The following GRM7 variants were observed in gnomAD, a reference collection of about 807,000 sequenced individuals.
GRM7 encodes glutamate metabotropic receptor 7, also known as metabotropic glutamate receptor 7.
In GRM7, 35 loss-of-function variants were observed where a neutral mutation model predicts 84.5. The ratio of observed to expected loss-of-function variants is 0.41; its 90% CI spans 0.32 to 0.55. The LOEUF is 0.55. Among genes scored for constraint, GRM7 ranks in the 20% least tolerant of loss-of-function variants. The pLI, the probability that GRM7 is intolerant of heterozygous loss-of-function variation, is 0.19. For synonymous variants in GRM7, 487 were observed against 455.1 expected (o/e 1.07, Z -0.89); for missense variants, 1,003 against 1,194.6 (o/e 0.84, Z 2.36).
chr3:7,623,032 C>A (rs1223284040), intron 8 of GRM7, among the ~76,000 whole-genome samples: 1 of 152,162 alleles, frequency 6.6e-6, no homozygotes, highest in African/African-American at 2.4e-5. Flanking sequence ...ATGTGGCAGT[C>A]TTTCTTGTGA....
intron 2 of GRM7, among the ~76,000 whole-genome samples, chr3:7,160,838 G>A (rs2125078525): frequency 6.6e-6 from 1 of 152,096 alleles, no homozygotes; most frequent in South Asian, 2.1e-4. Flanking sequence ...CATTTCCCTT[G>A]TAATGCTCAG....
At chr3:7,489,120 A>T (rs1699429418) in intron 7 of GRM7, among the ~76,000 whole-genome samples, 1 of 152,184 alleles carries the variant, frequency 6.6e-6, no homozygotes, top group Admixed American at 6.6e-5. Flanking sequence ...TCAGAGTATT[A>T]AAGTGCCTCT....
At position 7,111,413 on chromosome 3, in the gene GRM7, A is replaced by G. The variant is rs1429977474; in HGVS notation, c.520-35039A>G. Among the ~76,000 whole-genome samples, 6 of 152,280 alleles carry G rather than the reference A, an allele frequency of 3.9e-5. No homozygotes were observed. In the East Asian group the frequency reaches 1.2e-3, roughly 29 times the overall value. Reference sequence around the variant, plus strand: ...TGGTACTAGGAGTATGTTACATGTAAGAGGACCAAGTCAAGAAGCATTTAG... The same window carrying G: ...TGGTACTAGGAGTATGTTACATGTAGGAGGACCAAGTCAAGAAGCATTTAG... On this transcript the variant is annotated intron_variant, in intron 1 of 9. Transcript: ENST00000357716.
At chr3:6,913,672 G>A (rs779759041) in intron 1 of GRM7, among the ~76,000 whole-genome samples, 7 of 152,156 alleles carry the variant, frequency 4.6e-5, no homozygotes, top group Non-Finnish European at 8.8e-5. Context: ...ATAAAGTGAT[G>A]TTTCTAGTCC....
intron 3 of GRM7, among the ~76,000 whole-genome samples, chr3:7,304,578 G>A (rs1241416451): frequency 1.3e-5 from 2 of 151,660 alleles, no homozygotes; most frequent in East Asian, 1.9e-4. Context: ...TTCTCTAAAT[G>A]TTAGCTGGAT....
chr3:7,724,301 T>C (rs903598594), intron 9 of GRM7, among the ~76,000 whole-genome samples: 1 of 152,204 alleles, frequency 6.6e-6, no homozygotes, highest in African/African-American at 2.4e-5. Flanking sequence ...GCTTGAAACA[T>C]CCACAGCCAT....
At chr3:7,692,260 C>T (rs938515981) in intron 9 of GRM7, among the ~76,000 whole-genome samples, 5 of 152,214 alleles carry the variant, frequency 3.3e-5, no homozygotes, top group African/African-American at 7.2e-5. Flanking sequence ...TGATTAACTT[C>T]GACAGGTAGC....
chr3:6,968,079 A>T (rs1693598233), intron 1 of GRM7, among the ~76,000 whole-genome samples: 1 of 152,220 alleles, frequency 6.6e-6, no homozygotes, highest in Non-Finnish European at 1.5e-5. Context: ...AACAAAAACA[A>T]ATGTATTGTC....
Position 6,862,767 on chromosome 3 carries a change from A to C in GRM7, c.519+860A>C. The stretch of plus-strand genomic sequence containing the variant: ...CACTATCTCCCTGACGCAGACCCCA[A>C]GCCAAATCCTCGGCTTGGAGGACGA... On this transcript the variant is annotated intron_variant, in intron 1 of 9. Transcript: ENST00000357716. The surrounding 1 kb of genome is among the most constrained non-coding windows in gnomAD (Gnocchi z 5.2). 1 of 319,784 alleles carries C rather than the reference A, an allele frequency of 3.1e-6. No individual in the cohort carries two copies. The allele number at this position is 319,784 out of a possible 1,614,324, so 19.8% of individuals were successfully genotyped here. A position where few individuals can be genotyped will look rare whatever the true frequency, so the allele number is the denominator to read the frequency against.
At chr3:7,647,105 T>G (rs1314727226) in intron 8 of GRM7, among the ~76,000 whole-genome samples, 3 of 152,184 alleles carry the variant, frequency 2.0e-5, no homozygotes, top group African/African-American at 7.2e-5. Context: ...AATGGATGAT[T>G]ACGTAGATGG....
At chr3:7,263,715 G>T (rs1478330602) in intron 2 of GRM7, among the ~76,000 whole-genome samples, 5 of 152,158 alleles carry the variant, frequency 3.3e-5, no homozygotes, top group African/African-American at 1.2e-4. Context: ...CTAGTTTCGT[G>T]CTGGTAGCAG....
intron 1 of GRM7, among the ~76,000 whole-genome samples, chr3:7,031,354 C>T (rs1434919220): frequency 2.0e-5 from 3 of 151,908 alleles, no homozygotes; most frequent in Admixed American, 6.6e-5. Flanking sequence ...CGTGAACTTC[C>T]TTGAATCCCA....
At chr3:7,208,120 A>T (rs1391488064) in intron 2 of GRM7, among the ~76,000 whole-genome samples, 1 of 152,222 alleles carries the variant, frequency 6.6e-6, no homozygotes, top group Non-Finnish European at 1.5e-5. Flanking sequence ...TATTCTTCAG[A>T]ATCAGAGAGG....
At chr3:7,162,728 C>CTTTTTTTTT (rs1559478421) in intron 2 of GRM7, among the ~76,000 whole-genome samples, 1 of 57,102 alleles carries the variant, frequency 1.8e-5, no homozygotes, top group African/African-American at 5.2e-5. Context: ...TCCCATTTTT[C>CTTTTTTTTT]ATTTTTTTTT....
intron 1 of GRM7, among the ~76,000 whole-genome samples, chr3:7,008,876 C>T (rs959291042): frequency 1.3e-5 from 2 of 152,048 alleles, no homozygotes; most frequent in African/African-American, 4.8e-5. Flanking sequence ...ATTAATAGCA[C>T]AAATTTAAAA....
chr3:7,068,301 A>T (rs1026330072), intron 1 of GRM7, among the ~76,000 whole-genome samples: 1 of 152,036 alleles, frequency 6.6e-6, no homozygotes, highest in Non-Finnish European at 1.5e-5. Flanking sequence ...CTATGATGTG[A>T]ATTAACTCAC....
intron 7 of GRM7, among the ~76,000 whole-genome samples, chr3:7,503,018 TTA>T (rs1277517305): frequency 6.6e-6 from 1 of 152,120 alleles, no homozygotes; most frequent in Admixed American, 6.6e-5. Context: ...TAGTAATAAC[TTA>T]TACATGTAAT....
chr3:7,709,933 C>T (rs964613795), intron 9 of GRM7, among the ~76,000 whole-genome samples: 1 of 152,084 alleles, frequency 6.6e-6, no homozygotes, highest in African/African-American at 2.4e-5. Flanking sequence ...GCACATTAGG[C>T]GCCCTCCTGA....
chr3:7,514,678 TG>T (rs1700315818), intron 7 of GRM7, among the ~76,000 whole-genome samples: 1 of 152,224 alleles, frequency 6.6e-6, no homozygotes, highest in Non-Finnish European at 1.5e-5. Flanking sequence ...GGACCTGCCT[TG>T]TAAAAACTAT....
Sources: allele counts gnomAD v4.1 joint callset (sites outside exome capture counted in the v4.1 genomes callset), GRCh38; gene constraint gnomAD v4.1.1; non-coding constraint Gnocchi (gnomAD v3.1); transcripts MANE v1.5; gene names NCBI Gene and HGNC (gene_info 2026-07-23, HGNC 2026-07-21).